TNR: variants seen among roughly 807,000 people sequenced by gnomAD.
The protein encoded by TNR is tenascin R, also known as tenascin-R.
A neutral mutation model predicts 150.4 loss-of-function variants in TNR; 45 were observed. That is an observed-to-expected ratio of 0.30 (90% CI 0.24 to 0.38). The LOEUF (loss-of-function observed/expected upper bound fraction) is 0.38. Ranked by LOEUF, TNR falls within the 10% of genes least tolerant of loss-of-function variation. The pLI is 1.00. For missense variants in TNR, 1,544 were observed against 1,759.1 expected, an observed-to-expected ratio of 0.88 and a Z score of 2.19; for synonymous variants, 687 against 678.4, an observed-to-expected ratio of 1.01 and a Z score of -0.20.
intron 2 of TNR, among the ~76,000 whole-genome samples, chr1:175,489,464 T>C (rs1221660765): frequency 2.0e-5 from 3 of 152,224 alleles, no homozygotes; most frequent in African/African-American, 7.2e-5. Context: ...TGAATCATGG[T>C]TGCTGAGCCA....
chr1:175,640,196 A>G (rs1199430151), intron 1 of TNR, among the ~76,000 whole-genome samples: 1 of 152,258 alleles, frequency 6.6e-6, no homozygotes, highest in Non-Finnish European at 1.5e-5. Context: ...TGCCTTCTAC[A>G]CAGCTTAAAT....
chr1:175,460,370 C>A (rs1656759841), intron 2 of TNR, among the ~76,000 whole-genome samples: 5 of 152,000 alleles, frequency 3.3e-5, no homozygotes. Flanking sequence ...GACATGCACG[C>A]AAGGCCACAG....
chr1:175,403,668 T>A, intron 3 of TNR, 52 bp from the exon 4 acceptor site: 1 of 1,488,756 alleles, frequency 6.7e-7, no homozygotes, highest in Non-Finnish European at 9.2e-7. Flanking sequence ...CTCCTGTCAA[T>A]GGTGCTGGGG....
intron 2 of TNR, among the ~76,000 whole-genome samples, chr1:175,450,917 T>G (rs1398399887): frequency 1.3e-5 from 2 of 152,152 alleles, no homozygotes; most frequent in Non-Finnish European, 2.9e-5. Flanking sequence ...GGGGAGTAAT[T>G]TCCTCCACCA....
intron 9 of TNR, among the ~76,000 whole-genome samples, chr1:175,371,569 C>T (rs777335130): frequency 6.6e-6 from 1 of 151,982 alleles, no homozygotes; most frequent in Non-Finnish European, 1.5e-5. Flanking sequence ...AGAATAATGA[C>T]GAAGGGGAGG....
chr1:175,630,001 TC>T (rs1184400453), intron 1 of TNR, among the ~76,000 whole-genome samples: 1 of 152,202 alleles, frequency 6.6e-6, no homozygotes, highest in Non-Finnish European at 1.5e-5. Flanking sequence ...GGAGGGACTT[TC>T]TGGTGTGTCC....
At chr1:175,351,324 G>A (rs1203333104) in intron 18 of TNR, among the ~76,000 whole-genome samples, 4 of 152,120 alleles carry the variant, frequency 2.6e-5, no homozygotes, top group Non-Finnish European at 5.9e-5. Flanking sequence ...GGTGGCACAG[G>A]CAACGAGAGC....
intron 1 of TNR, among the ~76,000 whole-genome samples, chr1:175,741,423 G>T (rs1374828374): frequency 6.6e-6 from 1 of 152,170 alleles, no homozygotes; most frequent in Non-Finnish European, 1.5e-5. Flanking sequence ...AGGGTCCACT[G>T]CAAGGGCATA....
intron 1 of TNR, among the ~76,000 whole-genome samples, chr1:175,643,245 C>A (rs1037840809): frequency 6.6e-6 from 1 of 152,180 alleles, no homozygotes; most frequent in Non-Finnish European, 1.5e-5. Flanking sequence ...TGGAGTTATG[C>A]TCCATGCTCC....
intron 1 of TNR, among the ~76,000 whole-genome samples, chr1:175,692,233 A>G (rs1441954735): frequency 6.6e-6 from 1 of 151,838 alleles, no homozygotes; most frequent in Non-Finnish European, 1.5e-5. Context: ...AGCCAGGGAA[A>G]ACATGGTCTG....
chr1:175,532,029 G>A (rs796505412), intron 1 of TNR, among the ~76,000 whole-genome samples: 5 of 152,346 alleles, frequency 3.3e-5, no homozygotes, highest in African/African-American at 1.2e-4. Context: ...TTAGAAGAAA[G>A]ACACCTGCTG....
chr1:175,714,587 T>C (rs780002644), intron 1 of TNR, among the ~76,000 whole-genome samples: 20 of 152,190 alleles, frequency 1.3e-4, no homozygotes, highest in Non-Finnish European at 2.5e-4. Context: ...GCCCAGCTAA[T>C]GCACACTGAA....
At chr1:175,569,966 A>G (rs1661797941) in intron 1 of TNR, among the ~76,000 whole-genome samples, 1 of 152,186 alleles carries the variant, frequency 6.6e-6, no homozygotes. Flanking sequence ...CAATGGCTGT[A>G]CATTTGAGTC....
rs55795922 is a variant in TNR, at chr1:175,370,338, C to CTTTTTTT, written c.1964-3048_1964-3042dup. ...GAGAACTATTCCTGGATTTTGAGTACTTTTTTTTTTTTTTTTTTTTTTTTT... is the reference window on the plus strand; with the variant it reads ...GAGAACTATTCCTGGATTTTGAGTACTTTTTTTTTTTTTTTTTTTTTTTTTTTTTTTT... On this transcript the variant is annotated intron_variant, in intron 9 of 22. Transcript: ENST00000367674. Among the ~76,000 whole-genome samples, 109 of 42,968 alleles carry CTTTTTTT rather than the reference C, an allele frequency of 2.5e-3. 7 individuals carry two copies. The highest frequency in any genetic ancestry group is 8.2e-3 in the African/African-American group (97 of 11,800). 28.2% of individuals were successfully genotyped at this position (42,968 alleles called of 152,430 possible).
chr1:175,502,456 CG>C (rs1046516499), intron 2 of TNR, among the ~76,000 whole-genome samples: 5 of 152,102 alleles, frequency 3.3e-5, no homozygotes, highest in African/African-American at 1.2e-4. Flanking sequence ...GATACAAACT[CG>C]GGGCTCCTTG....
chr1:175,738,861 T>C (rs1304700192), intron 1 of TNR, among the ~76,000 whole-genome samples: 2 of 152,192 alleles, frequency 1.3e-5, no homozygotes, highest in South Asian at 4.1e-4. Context: ...CTTAAGGAGA[T>C]GAAACTCTAG....
intron 18 of TNR, among the ~76,000 whole-genome samples, chr1:175,340,457 A>G (rs183019900): frequency 1.2e-4 from 18 of 152,378 alleles, no homozygotes; most frequent in Admixed American, 1.1e-3. Context: ...TCACATTTAC[A>G]GCAAAACCAT....
chr1:175,522,724 C>G (rs72725434), intron 2 of TNR, among the ~76,000 whole-genome samples: 7,431 of 152,164 alleles, frequency 0.049, 273 homozygotes, highest in Non-Finnish European at 0.076. Flanking sequence ...GATGCCCCCC[C>G]ACAAAAAATA....
At chr1:175,329,581 G>A (rs1235817012) in intron 21 of TNR, among the ~76,000 whole-genome samples, 1 of 152,192 alleles carries the variant, frequency 6.6e-6, no homozygotes, top group Non-Finnish European at 1.5e-5. Context: ...GGTGTTAGGG[G>A]CATCTCAGAG....
Sources: allele counts gnomAD v4.1 joint callset (sites outside exome capture counted in the v4.1 genomes callset), GRCh38; gene constraint gnomAD v4.1.1; transcripts MANE v1.5; gene names NCBI Gene and HGNC (gene_info 2026-07-23, HGNC 2026-07-21).